The following GPC6 variants were observed in gnomAD, a reference collection of about 807,000 sequenced individuals.
GPC6 encodes glypican 6.
In GPC6, 14 loss-of-function variants were observed where a neutral mutation model predicts 55.2. The ratio of observed to expected loss-of-function variants is 0.25; its 90% CI spans 0.17 to 0.40. The LOEUF (loss-of-function observed/expected upper bound fraction) is 0.40, where lower values mean the gene tolerates loss of function less well. Among genes scored for constraint, GPC6 ranks in the 10% least tolerant of loss-of-function variants. GPC6 has a pLI of 1.00. For missense variants in GPC6, 641 were observed against 708.5 expected (o/e 0.90, Z 1.08); for synonymous variants, 278 against 259.6 (o/e 1.07, Z -0.68).
chr13:93,734,827 A>G (rs1013578434), intron 2 of GPC6, among the ~76,000 whole-genome samples: 2 of 152,182 alleles, frequency 1.3e-5, no homozygotes, highest in Non-Finnish European at 2.9e-5. Flanking sequence ...AAATACAGAG[A>G]AACTACACAA....
intron 1 of GPC6, among the ~76,000 whole-genome samples, chr13:93,378,998 A>AAC (rs1298355400): frequency 6.7e-6 from 1 of 149,576 alleles, no homozygotes; most frequent in East Asian, 1.9e-4. Context: ...CCATCTCAGA[A>AAC]AAAAAAAAAA....
At chr13:93,453,180 G>T (rs1247747736) in intron 1 of GPC6, among the ~76,000 whole-genome samples, 1 of 152,170 alleles carries the variant, frequency 6.6e-6, no homozygotes, top group Admixed American at 6.5e-5. Flanking sequence ...TGGCGTCGAA[G>T]ACCCAAGTCA....
intron 6 of GPC6, among the ~76,000 whole-genome samples, chr13:94,359,845 T>C (rs1187984404): frequency 6.6e-6 from 1 of 152,214 alleles, no homozygotes; most frequent in African/African-American, 2.4e-5. Flanking sequence ...TGAATCAGAT[T>C]TACTGTCTGG....
intron 1 of GPC6, among the ~76,000 whole-genome samples, chr13:93,411,866 G>T (rs1876506890): frequency 6.6e-6 from 1 of 151,840 alleles, no homozygotes; most frequent in Non-Finnish European, 1.5e-5. Context: ...AGCCTGGCTT[G>T]GTGGTGCACA....
intron 4 of GPC6, among the ~76,000 whole-genome samples, chr13:94,067,561 G>GAGAT (rs565390962): frequency 6.7e-6 from 1 of 149,890 alleles, no homozygotes; most frequent in Non-Finnish European, 1.5e-5. Context: ...GAGTCCATGA[G>GAGAT]AGATAGATAG....
At chr13:94,304,440 G>A (rs76259959) in intron 5 of GPC6, among the ~76,000 whole-genome samples, 2,605 of 152,284 alleles carry the variant, frequency 0.017, 38 homozygotes, top group East Asian at 0.066. Context: ...TTTAGAGTTA[G>A]ACAACACAGA....
chr13:93,397,031 T>G (rs1875884045), intron 1 of GPC6, among the ~76,000 whole-genome samples: 2 of 152,206 alleles, frequency 1.3e-5, no homozygotes, highest in South Asian at 4.1e-4. Flanking sequence ...TTATCCTTCA[T>G]CATTTGTTTC....
chr13:93,820,671 GTT>G (rs371044734), intron 2 of GPC6, among the ~76,000 whole-genome samples: 2 of 144,712 alleles, frequency 1.4e-5, no homozygotes, highest in Non-Finnish European at 1.5e-5. Context: ...TCAAAGTAGG[GTT>G]TTTTTTTTTT....
At chr13:94,081,382 C>T (rs895139050) in intron 4 of GPC6, among the ~76,000 whole-genome samples, 1 of 152,136 alleles carries the variant, frequency 6.6e-6, no homozygotes, top group Non-Finnish European at 1.5e-5. Flanking sequence ...ACTGGTTTGT[C>T]ATGAACACTG....
intron 2 of GPC6, among the ~76,000 whole-genome samples, chr13:93,723,440 C>A (rs372865968): frequency 1.3e-5 from 2 of 151,910 alleles, no homozygotes; most frequent in Admixed American, 6.6e-5. Context: ...GGATGTACAG[C>A]AAAAGGAGCA....
rs541182014 is a variant in GPC6 at position 93,597,599 on chromosome 13, C to T, written c.319+52178C>T. Among the ~76,000 whole-genome samples the T allele has an allele frequency of 2.6e-5, 4 of 152,274 alleles. No homozygotes were observed. The South Asian group carries it at 8.3e-4, about 32-fold the overall frequency. The stretch of plus-strand genomic sequence containing the variant: ...TCCACCTCTGCCACCTGTAAGACCG[C>T]AAGACCAACCCCCTCTTCTTGCCTC... On this transcript the variant is annotated intron_variant, in intron 2 of 8. Transcript: ENST00000377047.
chr13:93,249,432 G>A (rs1211604402), intron 1 of GPC6, among the ~76,000 whole-genome samples: 1 of 152,152 alleles, frequency 6.6e-6, no homozygotes, highest in East Asian at 1.9e-4. Flanking sequence ...GTCCTCTGTT[G>A]GTAAGGGTTG....
intron 2 of GPC6, among the ~76,000 whole-genome samples, chr13:93,686,218 G>A (rs370160324): frequency 3.9e-5 from 6 of 151,990 alleles, no homozygotes; most frequent in South Asian, 4.2e-4. Flanking sequence ...CCTTCAATGC[G>A]ACATAATCAG....
intron 1 of GPC6, among the ~76,000 whole-genome samples, chr13:93,347,516 A>T (rs1305731980): frequency 1.3e-5 from 2 of 152,150 alleles, no homozygotes; most frequent in African/African-American, 4.8e-5. Flanking sequence ...TTGTCATGAG[A>T]GGGCATGAGA....
chr13:94,289,228 G>C (rs529182097), intron 5 of GPC6, among the ~76,000 whole-genome samples: 2 of 151,906 alleles, frequency 1.3e-5, no homozygotes, highest in African/African-American at 4.8e-5. Flanking sequence ...TCTCAAGTCC[G>C]ACAGAGCTTA....
chr13:93,349,411 G>A (rs1880548813), intron 1 of GPC6, among the ~76,000 whole-genome samples: 1 of 152,038 alleles, frequency 6.6e-6, no homozygotes, highest in Admixed American at 6.6e-5. Flanking sequence ...TCATTAAACA[G>A]ATTAGTTCTT....
chr13:93,708,778 A>C (rs776880392), intron 2 of GPC6, among the ~76,000 whole-genome samples: 6 of 151,736 alleles, frequency 4.0e-5, no homozygotes, highest in Non-Finnish European at 7.4e-5. Flanking sequence ...TCAGTAAAAG[A>C]TGCTACTGCC....
chr13:94,353,594 C>T (rs1178309745), intron 6 of GPC6, among the ~76,000 whole-genome samples: 7 of 150,844 alleles, frequency 4.6e-5, no homozygotes, highest in Non-Finnish European at 7.4e-5. Flanking sequence ...TATATACACA[C>T]ACACACACAT....
At chr13:93,960,117 C>T (rs923411164) in intron 3 of GPC6, among the ~76,000 whole-genome samples, 5 of 152,176 alleles carry the variant, frequency 3.3e-5, no homozygotes, top group Middle Eastern at 3.2e-3. Context: ...TCGAGCAACA[C>T]GTCCTTCTTG....
Sources: allele counts gnomAD v4.1 joint callset (sites outside exome capture counted in the v4.1 genomes callset), GRCh38; gene constraint gnomAD v4.1.1; transcripts MANE v1.5; gene names NCBI Gene and HGNC (gene_info 2026-07-23, HGNC 2026-07-21).